DMD: variants seen among roughly 807,000 people sequenced by gnomAD.
The protein encoded by DMD is mutant dystrophin.
In DMD, 63 loss-of-function variants were observed where a neutral mutation model predicts 330.1. That is an observed-to-expected ratio of 0.19 (90% CI 0.16 to 0.24). DMD has a LOEUF of 0.24. Ranked by LOEUF, DMD falls within the 10% of genes least tolerant of loss-of-function variation. The probability of loss-of-function intolerance (pLI) is 1.00; values close to 1 mark genes in which losing one functional copy is unlikely to be tolerated. For synonymous variants in DMD, 1,223 were observed against 959.8 expected (o/e 1.27, Z -5.07); for missense variants, 3,344 against 2,684.1 (o/e 1.25, Z -5.43).
chrX:32,467,632 G>GTATA lies in DMD; in HGVS notation c.3162+862_3162+865dup, dbSNP rs5902033. On this transcript the variant is annotated intron_variant, in intron 23 of 78. Coordinates refer to ENST00000357033, the MANE Select transcript of DMD (RefSeq NM_004006.3). The stretch of plus-strand genomic sequence containing the variant: ...CATGATATATAATTCCATTATACAC[G>GTATA]TATATATATATATATATACACACAT... Among the ~76,000 whole-genome samples, 503 of 100,162 alleles carry GTATA rather than the reference G, an allele frequency of 5.0e-3. 1 individual carries two copies. The highest frequency in any genetic ancestry group is 0.046 in the South Asian group (103 of 2,216). 87.0% of individuals were successfully genotyped at this position (100,162 alleles called of 115,157 possible). A position where few individuals can be genotyped will look rare whatever the true frequency, so the allele number is the denominator to read the frequency against.
intron 44 of DMD, among the ~76,000 whole-genome samples, chrX:32,084,823 C>T (rs892227481): frequency 3.6e-5 from 4 of 110,866 alleles, no homozygotes; most frequent in Admixed American, 2.9e-4. Flanking sequence ...AATGGGGTCT[C>T]GGAAGGCGGG....
At chrX:32,729,822 G>C (rs1382309580) in intron 7 of DMD, among the ~76,000 whole-genome samples, 1 of 111,758 alleles carries the variant, frequency 8.9e-6, no homozygotes, top group Admixed American at 9.6e-5. Flanking sequence ...TGTCTCAGCA[G>C]GGCATTCAAC....
At chrX:32,494,586 A>T (rs774417063) in intron 19 of DMD, among the ~76,000 whole-genome samples, 1 of 111,318 alleles carries the variant, frequency 9.0e-6, no homozygotes, top group African/African-American at 3.3e-5. Context: ...TACTTACCAA[A>T]GTTCTGAGTT....
chrX:32,720,629 G>A (rs1217103629), intron 7 of DMD, among the ~76,000 whole-genome samples: 4 of 111,099 alleles, frequency 3.6e-5, no homozygotes, highest in Non-Finnish European at 7.6e-5. Flanking sequence ...TTAAAATCTG[G>A]TCATACATCT....
At chrX:32,275,676 T>G (rs2097383472) in intron 43 of DMD, among the ~76,000 whole-genome samples, 1 of 112,136 alleles carries the variant, frequency 8.9e-6, no homozygotes, top group Admixed American at 9.5e-5. Flanking sequence ...TTCTTAAAAA[T>G]GAATTCTATC....
intron 74 of DMD, among the ~76,000 whole-genome samples, chrX:31,149,378 G>C (rs2037118927): frequency 8.9e-6 from 1 of 112,144 alleles, no homozygotes; most frequent in South Asian, 3.7e-4. Context: ...ATGTCTGATA[G>C]GCCTTCTCAG....
intron 18 of DMD, among the ~76,000 whole-genome samples, chrX:32,502,731 G>A (rs901543354): frequency 1.8e-5 from 2 of 112,127 alleles, no homozygotes; most frequent in Non-Finnish European, 3.8e-5. Flanking sequence ...ATTTGAGGCA[G>A]AAGGTTATTC....
At chrX:31,374,577 A>C (rs2059782379) in intron 60 of DMD, among the ~76,000 whole-genome samples, 1 of 103,122 alleles carries the variant, frequency 9.7e-6, no homozygotes, top group Admixed American at 1.1e-4. Context: ...CATGGACAAA[A>C]GACCAAACAC....
intron 48 of DMD, among the ~76,000 whole-genome samples, chrX:31,839,862 T>G (rs750887398): frequency 8.9e-6 from 1 of 112,140 alleles, no homozygotes; most frequent in African/African-American, 3.2e-5. Flanking sequence ...ACTATTGCAC[T>G]TGAAGCATAG....
intron 50 of DMD, among the ~76,000 whole-genome samples, chrX:31,783,828 G>A (rs2091153079): frequency 9.0e-6 from 1 of 111,393 alleles, no homozygotes; most frequent in South Asian, 3.7e-4. Flanking sequence ...GGAACCATTA[G>A]TGCAATGTAA....
At chrX:31,625,655 G>A (rs1878670766) in intron 55 of DMD, among the ~76,000 whole-genome samples, 1 of 111,913 alleles carries the variant, frequency 8.9e-6, no homozygotes, top group Non-Finnish European at 1.9e-5. Flanking sequence ...TGCTTCCATA[G>A]TAAATATAGT....
At chrX:32,736,866 T>C (rs1316628314) in intron 7 of DMD, among the ~76,000 whole-genome samples, 2 of 109,922 alleles carry the variant, frequency 1.8e-5, no homozygotes, top group Non-Finnish European at 1.9e-5. Flanking sequence ...TGTATACGTA[T>C]GTAACTAACC....
intron 44 of DMD, among the ~76,000 whole-genome samples, chrX:32,206,927 C>T (rs2097071876): frequency 9.0e-6 from 1 of 111,663 alleles, no homozygotes; most frequent in Non-Finnish European, 1.9e-5. Flanking sequence ...GATGGAACTC[C>T]ACCCTTTGCT....
intron 33 of DMD, among the ~76,000 whole-genome samples, chrX:32,386,049 G>A (rs2097955801): frequency 1.8e-5 from 2 of 110,050 alleles, no homozygotes. Context: ...TTTTCAATCT[G>A]AATAAGCAGA....
intron 41 of DMD, among the ~76,000 whole-genome samples, chrX:32,312,076 C>A (rs183946778): frequency 9.0e-6 from 1 of 111,442 alleles, no homozygotes; most frequent in East Asian, 2.8e-4. Flanking sequence ...ACATTTTACA[C>A]CTGTAAGTTT....
chrX:32,838,581 CT>C (rs367808252), intron 4 of DMD, among the ~76,000 whole-genome samples: 2 of 111,676 alleles, frequency 1.8e-5, no homozygotes, highest in African/African-American at 6.5e-5. Context: ...TGAACTCATT[CT>C]TTTTTTATGG....
At chrX:32,894,410 G>A (rs1242119544) in intron 2 of DMD, among the ~76,000 whole-genome samples, 1 of 112,762 alleles carries the variant, frequency 8.9e-6, no homozygotes, top group African/African-American at 3.2e-5. Context: ...AGTGGTGGCA[G>A]ACTGGACAAG....
chrX:32,780,191 C>T (rs1001224037), intron 7 of DMD, among the ~76,000 whole-genome samples: 8 of 111,631 alleles, frequency 7.2e-5, no homozygotes, highest in African/African-American at 2.6e-4. Flanking sequence ...TATAAATTAC[C>T]AAGAGGATTT....
At chrX:32,585,020 G>GAATGA (rs2054068856) in intron 13 of DMD, among the ~76,000 whole-genome samples, 2 of 111,369 alleles carry the variant, frequency 1.8e-5, no homozygotes, top group Admixed American at 9.6e-5. Flanking sequence ...CCATAAAAAG[G>GAATGA]AATGAAATAT....
Sources: gnomAD v4.1 joint callset for allele counts (sites outside exome capture counted in the v4.1 genomes callset) on GRCh38, gnomAD v4.1.1 for gene constraint, MANE v1.5 for transcripts, NCBI Gene and HGNC (gene_info 2026-07-23, HGNC 2026-07-21) for gene names.